Variants in AGBL4 observed in about 807,000 individuals in gnomAD.
AGBL4 encodes the protein AGBL carboxypeptidase 4.
In AGBL4, 58 loss-of-function variants were observed where a neutral mutation model predicts 66.4. The observed-to-expected ratio is 0.87, with a 90% CI of 0.71 to 1.09. AGBL4 has a LOEUF of 1.09. Among genes scored for constraint, AGBL4 ranks in the 50% least tolerant of loss-of-function variants. The pLI is 0.00. For missense variants in AGBL4, 579 were observed against 631.0 expected, an observed-to-expected ratio of 0.92 and a Z score of 0.88; for synonymous variants, 234 against 222.9, an observed-to-expected ratio of 1.05 and a Z score of -0.44.
chr1:49,684,958 G>T (rs1051008594), intron 3 of AGBL4, among the ~76,000 whole-genome samples: 2 of 151,952 alleles, frequency 1.3e-5, no homozygotes, highest in Admixed American at 1.3e-4. Context: ...TTGTTACATG[G>T]GTAAATTGCA....
chr1:49,117,512 C>T (rs1375964745), intron 4 of AGBL4, among the ~76,000 whole-genome samples: 2 of 152,156 alleles, frequency 1.3e-5, no homozygotes, highest in African/African-American at 4.8e-5. Flanking sequence ...TCAGGTTTCT[C>T]AAAGATCAGA....
chr1:49,291,459 G>T (rs984884178), intron 3 of AGBL4, among the ~76,000 whole-genome samples: 4 of 152,118 alleles, frequency 2.6e-5, no homozygotes, highest in African/African-American at 4.8e-5. Context: ...ATAGACTGTG[G>T]TATAACAATA....
intron 6 of AGBL4, among the ~76,000 whole-genome samples, chr1:48,713,828 T>C (rs556505229): frequency 1.3e-5 from 2 of 152,266 alleles, no homozygotes; most frequent in East Asian, 3.9e-4. Context: ...ATCTGTCAGC[T>C]GAATAGCCCT....
chr1:49,121,995 T>G (rs996590860), intron 4 of AGBL4, among the ~76,000 whole-genome samples: 1 of 152,252 alleles, frequency 6.6e-6, no homozygotes, highest in African/African-American at 2.4e-5. Flanking sequence ...CAAGGCTCCG[T>G]AGGCATGGTA....
At chr1:48,794,677 C>T (rs927578662) in intron 6 of AGBL4, among the ~76,000 whole-genome samples, 4 of 152,174 alleles carry the variant, frequency 2.6e-5, no homozygotes, top group African/African-American at 9.7e-5. Context: ...TCTTTAAGTT[C>T]TTTTGACCTC....
At chr1:49,954,181 C>T (rs1656398052) in intron 1 of AGBL4, among the ~76,000 whole-genome samples, 1 of 151,964 alleles carries the variant, frequency 6.6e-6, no homozygotes, top group South Asian at 2.1e-4. Context: ...AGGTGTTAGC[C>T]ACTGTGCCCA....
At chr1:48,772,058 A>C (rs1376861677) in intron 6 of AGBL4, among the ~76,000 whole-genome samples, 1 of 152,234 alleles carries the variant, frequency 6.6e-6, no homozygotes, top group Non-Finnish European at 1.5e-5. Flanking sequence ...CTGTCTTCCC[A>C]AAGTTGATGA....
intron 6 of AGBL4, among the ~76,000 whole-genome samples, chr1:48,715,341 A>G (rs1647032183): frequency 6.6e-6 from 1 of 152,176 alleles, no homozygotes; most frequent in African/African-American, 2.4e-5. Flanking sequence ...CATGGCTTCA[A>G]TCCAGCCCAG....
At chr1:49,460,223 C>T (rs1033126509) in intron 3 of AGBL4, among the ~76,000 whole-genome samples, 1 of 151,612 alleles carries the variant, frequency 6.6e-6, no homozygotes, top group African/African-American at 2.4e-5. Flanking sequence ...TGCTATCTAC[C>T]TCATTTCTTA....
chr1:49,261,866 A>G (rs1367451571), intron 3 of AGBL4, among the ~76,000 whole-genome samples: 5 of 150,384 alleles, frequency 3.3e-5, no homozygotes, highest in Non-Finnish European at 7.4e-5. Context: ...ATCCTAAGCC[A>G]AAAGAACAAA....
At chr1:49,558,063 C>G (rs1643945942) in intron 3 of AGBL4, among the ~76,000 whole-genome samples, 1 of 151,886 alleles carries the variant, frequency 6.6e-6, no homozygotes, top group South Asian at 2.1e-4. Flanking sequence ...AGGGAAAAAC[C>G]CAGTCCTAGC....
rs1002429649 is a variant in AGBL4, at chr1:49,352,610, C to T, written c.283-106746G>A. 3.9e-5 allele frequency among the ~76,000 whole-genome samples: 6 copies of T among 152,128 alleles called. No homozygotes were observed. The South Asian group carries it at 1.2e-3, about 32-fold the overall frequency. ...TGATAATAGTGGCCAGAGACAGAAG[C>T]CTCCAGCCTCTGGAGACAGTGGCTT... On this transcript the variant is annotated intron_variant, in intron 3 of 13. Transcript: ENST00000371839.
chr1:49,932,411 G>GA (rs1170333686), intron 1 of AGBL4, among the ~76,000 whole-genome samples: 1 of 151,984 alleles, frequency 6.6e-6, no homozygotes, highest in Non-Finnish European at 1.5e-5. Context: ...ATTCCTAGAA[G>GA]AAAAACATAA....
intron 6 of AGBL4, among the ~76,000 whole-genome samples, chr1:48,693,907 G>A (rs1345700098): frequency 6.6e-6 from 1 of 152,024 alleles, no homozygotes; most frequent in Admixed American, 6.6e-5. Flanking sequence ...GAATTGCGAG[G>A]ATCTGGATCT....
At position 49,687,546 on chromosome 1, in the gene AGBL4, C is replaced by T. The variant is rs561564600; in HGVS notation, c.282+9767G>A. Among the ~76,000 whole-genome samples the T allele has an allele frequency of 7.9e-5, 12 of 152,048 alleles. 1 individual carries two copies. Among genetic ancestry groups the T allele is most frequent in the East Asian group, 1.9e-4 (1 of 5,158 alleles). ...CAGCACTTTAGGAGGCCGAGGGGGA[C>T]GGATCACTTGAGCTCAGGAGTTCAA... is the stretch of plus-strand genomic sequence containing the variant. On this transcript the variant is annotated intron_variant, in intron 3 of 13. Coordinates refer to ENST00000371839, the MANE Select transcript of AGBL4 (RefSeq NM_032785.4).
At chr1:48,842,314 T>C (rs927552925) in intron 6 of AGBL4, among the ~76,000 whole-genome samples, 9 of 152,098 alleles carry the variant, frequency 5.9e-5, no homozygotes, top group Admixed American at 5.2e-4. Context: ...GAAGATGATC[T>C]CACCAAGTCA....
chr1:48,964,190 T>G (rs990551520), intron 5 of AGBL4, among the ~76,000 whole-genome samples: 12 of 152,150 alleles, frequency 7.9e-5, no homozygotes, highest in African/African-American at 2.4e-4. Flanking sequence ...ACCCATGTCT[T>G]AGGACAAAAT....
chr1:49,453,767 T>A (rs550772393), intron 3 of AGBL4, among the ~76,000 whole-genome samples: 8 of 151,878 alleles, frequency 5.3e-5, no homozygotes, highest in African/African-American at 1.9e-4. Flanking sequence ...TAATGAATAT[T>A]AAACTCAGAG....
intron 6 of AGBL4, among the ~76,000 whole-genome samples, chr1:48,727,372 G>A (rs1455184562): frequency 1.3e-5 from 2 of 152,172 alleles, no homozygotes; most frequent in African/African-American, 4.8e-5. Flanking sequence ...CTTCAGATCT[G>A]TAGAAAGCAA....
Sources: gnomAD v4.1 joint callset for allele counts (sites outside exome capture counted in the v4.1 genomes callset) on GRCh38, gnomAD v4.1.1 for gene constraint, MANE v1.5 for transcripts, NCBI Gene and HGNC (gene_info 2026-07-23, HGNC 2026-07-21) for gene names.